Variants in DNAH14 observed in about 807,000 individuals in gnomAD.
DNAH14 encodes the protein axonemal beta dynein heavy chain 14.
DNAH14 carries 478 observed loss-of-function variants against 520.9 expected under a neutral mutation model. The ratio of observed to expected loss-of-function variants is 0.92; its 90% CI spans 0.85 to 0.99. DNAH14 has a LOEUF of 0.99. Ranked by LOEUF, DNAH14 falls within the 50% of genes least tolerant of loss-of-function variation. The pLI is 0.00. For missense variants in DNAH14, 4,831 were observed against 5,234.5 expected, an observed-to-expected ratio of 0.92 and a Z score of 2.38; for synonymous variants, 1,581 against 1,757.2, an observed-to-expected ratio of 0.90 and a Z score of 2.51.
At chr1:225,115,792 T>C (rs1037754671) in intron 23 of DNAH14, among the ~76,000 whole-genome samples, 1 of 152,238 alleles carries the variant, frequency 6.6e-6, no homozygotes, top group African/African-American at 2.4e-5. Flanking sequence ...TATTCATGTA[T>C]TGAGCACCAT....
At chr1:225,317,672 GTATAC>G in intron 60 of DNAH14, among the ~76,000 whole-genome samples, 1 of 152,162 alleles carries the variant, frequency 6.6e-6, no homozygotes. Context: ...TGCTTATCAA[GTATAC>G]TCAGAATGAA....
chr1:225,154,915 T>C (rs2080878721), intron 34 of DNAH14, among the ~76,000 whole-genome samples: 2 of 152,068 alleles, frequency 1.3e-5, no homozygotes, highest in Non-Finnish European at 2.9e-5. Flanking sequence ...CTTATCCTCT[T>C]AATATATAAA....
At chr1:225,369,961 G>A (rs1318000240) in intron 77 of DNAH14, among the ~76,000 whole-genome samples, 8 of 152,070 alleles carry the variant, frequency 5.3e-5, no homozygotes, top group African/African-American at 1.2e-4. Context: ...TAAGGTGGGC[G>A]GATCACCTGA....
At position 225,002,912 on chromosome 1, in the gene DNAH14, C is replaced by A; in HGVS notation, c.960C>A (p.Ala320=). 1 of 1,547,792 alleles carries A rather than the reference C, an allele frequency of 6.5e-7. No individual in the cohort carries two copies. The highest frequency in any genetic ancestry group is 1.2e-5 in the South Asian group (1 of 83,728). Residue 320 remains alanine (A), a synonymous_variant, in exon 9 of 86, where the codon GCC becomes GCA. Coordinates refer to ENST00000682510, the MANE Select transcript of DNAH14 (RefSeq NM_001367479.1). The part of the protein sequence containing the change: ...NYNDHENNLS[A]ICLVKLDSSR... The stretch of plus-strand genomic sequence containing the variant: ...ATGACCATGAAAATAATCTATCTGC[C>A]ATATGCCTTGTAAAGGTGAGTAGAA...
At chr1:225,165,471 G>A (rs1216043895) in intron 35 of DNAH14, among the ~76,000 whole-genome samples, 2 of 151,920 alleles carry the variant, frequency 1.3e-5, no homozygotes, top group Non-Finnish European at 2.9e-5. Flanking sequence ...TCAAGAGTTT[G>A]CAGCATCCAA....
chr1:225,067,746 G>A (rs1187745731), intron 17 of DNAH14, among the ~76,000 whole-genome samples: 1 of 151,444 alleles, frequency 6.6e-6, no homozygotes, highest in Non-Finnish European at 1.5e-5. Context: ...TCATGTGATT[G>A]TCGGCTGCAT....
At chr1:225,175,061 G>A (rs2083163746) in intron 36 of DNAH14, among the ~76,000 whole-genome samples, 1 of 152,040 alleles carries the variant, frequency 6.6e-6, no homozygotes, top group Admixed American at 6.6e-5. Context: ...TTAATGTCTT[G>A]TTAAATTCAG....
chr1:225,363,776 C>A (rs908461881), intron 75 of DNAH14, among the ~76,000 whole-genome samples: 2 of 152,128 alleles, frequency 1.3e-5, no homozygotes, highest in East Asian at 3.8e-4. Flanking sequence ...ACTTATAATA[C>A]CTAATACATA....
chr1:225,000,271 G>A (rs2489322), intron 8 of DNAH14, among the ~76,000 whole-genome samples: 22,964 of 151,976 alleles, frequency 0.15, 3,203 homozygotes, highest in African/African-American at 0.36. Context: ...TTTCTCCTAT[G>A]GATAAAGTGT....
chr1:224,992,223 G>C (rs2063108544), intron 8 of DNAH14, among the ~76,000 whole-genome samples: 1 of 151,918 alleles, frequency 6.6e-6, no homozygotes, highest in Non-Finnish European at 1.5e-5. Context: ...GACTATTCAA[G>C]GTTTTGTGGT....
rs1015539093 is a variant in DNAH14, at chr1:225,230,483, A to AT, written c.6440-583dup. Among the ~76,000 whole-genome samples, 23 of 152,062 alleles carry AT rather than the reference A, an allele frequency of 1.5e-4. 1 individual carries two copies. Among genetic ancestry groups the AT allele is most frequent in the Non-Finnish European group, 2.2e-4 (15 of 68,002 alleles). ...TTTTCTTCTGTACACTAAAAGAAGC[A>AT]TTTTTTTAATATTAAGAAAACAAAT... On this transcript the variant is annotated intron_variant, in intron 41 of 85. Coordinates refer to ENST00000682510, the MANE Select transcript of DNAH14 (RefSeq NM_001367479.1).
At chr1:225,273,227 T>C in intron 52 of DNAH14, 102 bp downstream of exon 52, 1 of 1,250,922 alleles carries the variant, frequency 8.0e-7, no homozygotes, top group Non-Finnish European at 1.1e-6. Context: ...GGTCAGGAGA[T>C]TGAGACCATC....
At chr1:225,204,067 A>G in intron 38 of DNAH14, 116 bp from the exon 39 acceptor site, 3 of 533,788 alleles carry the variant, frequency 5.6e-6, no homozygotes, top group Non-Finnish European at 9.5e-6. Flanking sequence ...TTTCAGTTAC[A>G]GAACCCTCTG....
At chr1:225,241,544 C>T (rs2091966793) in intron 43 of DNAH14, among the ~76,000 whole-genome samples, 1 of 151,992 alleles carries the variant, frequency 6.6e-6, no homozygotes, top group South Asian at 2.1e-4. Context: ...GGATTTTTTT[C>T]ATGGTGTGAA....
intron 45 of DNAH14, among the ~76,000 whole-genome samples, chr1:225,258,756 T>C (rs1487393656): frequency 2.6e-5 from 4 of 152,178 alleles, no homozygotes; most frequent in Non-Finnish European, 5.9e-5. Flanking sequence ...GAGTCCCTAC[T>C]CTGATTGAAC....
intron 81 of DNAH14, among the ~76,000 whole-genome samples, chr1:225,384,599 C>A (rs887498268): frequency 6.6e-6 from 1 of 152,160 alleles, no homozygotes; most frequent in Non-Finnish European, 1.5e-5. Context: ...ACCATAAACA[C>A]CTCTACGCAA....
At chr1:225,038,897 G>A in intron 12 of DNAH14, 74 bp downstream of exon 12, 1 of 1,275,794 alleles carries the variant, frequency 7.8e-7, no homozygotes, top group Non-Finnish European at 1.0e-6. Context: ...TTTAAAATGT[G>A]ATTTATGATT....
intron 36 of DNAH14, among the ~76,000 whole-genome samples, chr1:225,174,267 T>TA (rs1435278124): frequency 6.8e-6 from 1 of 148,024 alleles, no homozygotes; most frequent in East Asian, 2.1e-4. Flanking sequence ...ATAATAAATT[T>TA]TAAAAAAAGT....
In DNAH14 at chr1:225,273,113, G is replaced by A; in HGVS notation, c.7998G>A (p.Glu2666=). ...ATCGGTTGCTTTCAAGGGAACTTGA[G>A]AACTGTTTTCAGGTAAATTTATATT... The part of the protein sequence containing the change: ...LFYRLLSREL[E]NCFQIQWTQE... The change falls in exon 52 of 86, where the codon GAG becomes GAA. Residue 2666 remains glutamate (E), a synonymous_variant. Transcript: ENST00000682510. The A allele has an allele frequency of 2.6e-6, 4 of 1,549,348 alleles. 1 individual carries two copies. The highest frequency in any genetic ancestry group is 1.2e-5 in the South Asian group (1 of 83,586).
Sources: gnomAD v4.1 joint callset for allele counts (sites outside exome capture counted in the v4.1 genomes callset) on GRCh38, gnomAD v4.1.1 for gene constraint, MANE v1.5 for transcripts, NCBI Gene and HGNC (gene_info 2026-07-23, HGNC 2026-07-21) for gene names.